The following RPS3A variants were observed in gnomAD, a reference collection of about 807,000 sequenced individuals.
The protein encoded by RPS3A is small ribosomal subunit protein eS1.
Under a neutral mutation model 26.4 loss-of-function variants are expected in RPS3A, and 1 was observed. That is an observed-to-expected ratio of 0.04 (90% CI 0.01 to 0.18). The LOEUF is 0.18. Among genes scored for constraint, RPS3A ranks in the 10% least tolerant of loss-of-function variants. The pLI, the probability that RPS3A is intolerant of heterozygous loss-of-function variation, is 1.00. For synonymous variants in RPS3A, 97 were observed against 106.1 expected (o/e 0.91, Z 0.53); for missense variants, 139 against 326.8 (o/e 0.43, Z 4.43).
At chr4:151,099,986 G>T (rs567922007) in intron 1 of RPS3A, 3 of 649,492 alleles carry the variant, frequency 4.6e-6, no homozygotes, top group Non-Finnish European at 8.5e-6. Flanking sequence ...GTGGGCTCAC[G>T]AGCTGCCTCA....
chr4:151,104,098 C>T, intron 4 of RPS3A, 79 bp from the exon 5 acceptor site: 1 of 1,501,148 alleles, frequency 6.7e-7, no homozygotes, highest in Non-Finnish European at 8.8e-7. Flanking sequence ...TATTCCAAGG[C>T]TTCTCTACTT....
In RPS3A at chr4:151,104,312, G is replaced by T. The variant is rs371748852; in HGVS notation, c.673+26G>T. The T allele has an allele frequency of 2.2e-5, 36 of 1,609,040 alleles. No individual in the cohort carries two copies. The African/African-American group carries it at 4.3e-4, about 19-fold the overall frequency. On this transcript the variant is annotated intron_variant, in intron 5 of 5. Transcript: ENST00000274065. ...GTAAGTGAGAAATCACATGATTCCT[G>T]TAGGGCCAAATACATTGTTTTTGGG... is the stretch of plus-strand genomic sequence containing the variant.
intron 3 of RPS3A, 104 bp from the exon 4 acceptor site, chr4:151,102,761 CTTTATA>C (rs1043984523): frequency 2.8e-5 from 34 of 1,215,176 alleles, no homozygotes; most frequent in African/African-American, 2.6e-4. Context: ...TGTTAGGATA[CTTTATA>C]TTTAATAATG....
Position 151,100,597 on chromosome 4 carries a change from C to T in RPS3A, c.166+9C>T, listed in dbSNP as rs1747076622. 6.7e-7 allele frequency: 1 copy of T among 1,482,618 alleles called. No individual in the cohort carries two copies. The highest frequency in any genetic ancestry group is 1.4e-5 in the African/African-American group (1 of 72,124). 91.8% of individuals were successfully genotyped at this position (1,482,618 alleles called of 1,614,324 possible). ...CAGGACCCAAGGAACCAGTAAGTAG[C>T]TTATTCTTGGTTTGTATTTTCCTTA... is the stretch of plus-strand genomic sequence containing the variant. On this transcript the variant is annotated intron_variant, in intron 2 of 5. Coordinates refer to ENST00000274065, the MANE Select transcript of RPS3A (RefSeq NM_001006.5).
intron 3 of RPS3A, among the ~76,000 whole-genome samples, chr4:151,101,443 T>A (rs1352514089): frequency 6.6e-6 from 1 of 152,134 alleles, no homozygotes; most frequent in Non-Finnish European, 1.5e-5. Flanking sequence ...TTGAGGAACG[T>A]TTAGGTGCAG....
At chr4:151,103,876 A>G in intron 4 of RPS3A, 1 of 1,432,094 alleles carries the variant, frequency 7.0e-7, no homozygotes, top group Non-Finnish European at 9.3e-7. Context: ...AGTGATAACA[A>G]CATTTTTCTG....
Position 151,104,439 on chromosome 4 carries a change from GTTTTTTTTTTTTT to G in RPS3A, c.674-22_674-10del. ...TTCAAGATATACTAACAGTTTTTTG[GTTTTTTTTTTTTT>G]TTTTTTTTTTGCCTTTTAGTGGGAA... On this transcript the variant is annotated intron_variant, in intron 5 of 5. Coordinates refer to ENST00000274065, the MANE Select transcript of RPS3A (RefSeq NM_001006.5). 2.8e-6 allele frequency: 2 copies of G among 710,330 alleles called. No individual in the cohort carries two copies. The highest frequency in any genetic ancestry group is 2.3e-5 in the South Asian group (1 of 42,974). The allele number at this position is 710,330 out of a possible 1,614,324, so 44.0% of individuals were successfully genotyped here. A position where few individuals can be genotyped will look rare whatever the true frequency, so the allele number is the denominator to read the frequency against.
At chr4:151,104,415 T>G in intron 5 of RPS3A, 57 bp from the exon 6 acceptor site, 1 of 1,412,996 alleles carries the variant, frequency 7.1e-7, no homozygotes, top group Non-Finnish European at 9.3e-7. Context: ...GACCATTATT[T>G]CAAGATATAC....
intron 2 of RPS3A, 31 bp from the exon 3 acceptor site, chr4:151,100,944 A>C (rs1447354462): frequency 2.6e-6 from 4 of 1,518,488 alleles, no homozygotes; most frequent in Non-Finnish European, 3.6e-6. Context: ...TGGTTCCTAA[A>C]TGTTAAGATA....
At chr4:151,103,893 C>G in intron 4 of RPS3A, 1 of 1,454,720 alleles carries the variant, frequency 6.9e-7, no homozygotes. Flanking sequence ...TCTGATGTTC[C>G]CATGCAATAT....
intron 3 of RPS3A, 111 bp from the exon 4 acceptor site, chr4:151,102,759 TA>T: frequency 8.5e-7 from 1 of 1,182,366 alleles, no homozygotes; most frequent in Non-Finnish European, 1.2e-6. Context: ...TATGTTAGGA[TA>T]CTTTATATTT....
chr4:151,104,004 C>G, intron 4 of RPS3A, 173 bp from the exon 5 acceptor site: 7 of 1,500,754 alleles, frequency 4.7e-6, no homozygotes, highest in Non-Finnish European at 4.5e-6. Context: ...GATCATCTAT[C>G]CTTTACATGT....
chr4:151,103,050 A>G lies in RPS3A; in HGVS notation c.534A>G (p.Thr178=). 1 of 1,599,540 alleles carries G rather than the reference A, an allele frequency of 6.3e-7. No homozygotes were observed. Among genetic ancestry groups the G allele is most frequent in the African/African-American group, 1.3e-5 (1 of 75,000 alleles). Residue 178 remains threonine, a synonymous_variant, in exon 4 of 6, where the codon ACA becomes ACG. Coordinates refer to ENST00000274065, the MANE Select transcript of RPS3A (RefSeq NM_001006.5). ...MMEIMTREVQ[T]NDLKEVVNKL... ...AAATCATGACCCGAGAGGTGCAGAC[A>G]AATGACTTGAAAGAAGTGGTCAATA...
chr4:151,102,111 T>C (rs1361356142), intron 3 of RPS3A: 1 of 516,500 alleles, frequency 1.9e-6, no homozygotes, highest in Admixed American at 2.0e-5. Flanking sequence ...ATTATACCAT[T>C]ATATTTATCC....
In RPS3A at chr4:151,104,439, G is replaced by GTTTTTTT. The variant is rs386401872; in HGVS notation, c.674-16_674-10dup. The GTTTTTTT allele has an allele frequency of 3.4e-3, 2,430 of 707,944 alleles. 7 individuals carry two copies. The highest frequency in any genetic ancestry group is 4.2e-3 in the Middle Eastern group (7 of 1,678). The allele number at this position is 707,944 out of a possible 1,614,324, so 43.9% of individuals were successfully genotyped here. ...TTCAAGATATACTAACAGTTTTTTG[G>GTTTTTTT]TTTTTTTTTTTTTTTTTTTTTTTGC... On this transcript the variant is annotated intron_variant, in intron 5 of 5. Coordinates refer to ENST00000274065, the MANE Select transcript of RPS3A (RefSeq NM_001006.5).
intron 1 of RPS3A, among the ~76,000 whole-genome samples, chr4:151,100,153 A>T (rs977405597): frequency 6.6e-6 from 1 of 152,184 alleles, no homozygotes; most frequent in East Asian, 1.9e-4. Context: ...TTACCAGTAC[A>T]TGCCATTACG....
intron 3 of RPS3A, among the ~76,000 whole-genome samples, chr4:151,102,389 A>G (rs1747160643): frequency 6.6e-6 from 1 of 152,216 alleles, no homozygotes; most frequent in Non-Finnish European, 1.5e-5. Context: ...TTGGAACATA[A>G]AAGACGTCTT....
intron 3 of RPS3A, among the ~76,000 whole-genome samples, chr4:151,101,590 G>A (rs971349983): frequency 1.3e-5 from 2 of 152,262 alleles, no homozygotes. Flanking sequence ...TGCCTATTGT[G>A]TTCTCGTTGG....
chr4:151,104,078 T>C lies in RPS3A; in HGVS notation c.564-99T>C, dbSNP rs550421421. 70 of 1,511,184 alleles carry C rather than the reference T, an allele frequency of 4.6e-5. No homozygotes were observed. The Admixed American group carries it at 5.3e-4, about 11-fold the overall frequency. 93.6% of individuals were successfully genotyped at this position (1,511,184 alleles called of 1,614,324 possible). On this transcript the variant is annotated intron_variant, in intron 4 of 5. Transcript: ENST00000274065. ...TGCAGGTTAAATGAGGTAGGTGTTA[T>C]GTGTAGGTTTATTCCAAGGCTTCTC...
Sources: allele counts gnomAD v4.1 joint callset (sites outside exome capture counted in the v4.1 genomes callset), GRCh38; gene constraint gnomAD v4.1.1; transcripts MANE v1.5; gene names NCBI Gene and HGNC (gene_info 2026-07-23, HGNC 2026-07-21).